PRPF6: variants seen among roughly 807,000 people sequenced by gnomAD.
PRPF6 encodes pre-mRNA-processing factor 6.
In PRPF6, 42 loss-of-function variants were observed where a neutral mutation model predicts 118.3. The ratio of observed to expected loss-of-function variants is 0.35; its 90% CI spans 0.28 to 0.46. The LOEUF is 0.46. Among genes scored for constraint, PRPF6 ranks in the 20% least tolerant of loss-of-function variants. The pLI, the probability that PRPF6 is intolerant of heterozygous loss-of-function variation, is 1.00. For synonymous variants in PRPF6, 481 were observed against 485.1 expected, an observed-to-expected ratio of 0.99 and a Z score of 0.11; for missense variants, 662 against 1,255.7, an observed-to-expected ratio of 0.53 and a Z score of 7.15.
chr20:64,008,389 G>C (rs1465678164), intron 9 of PRPF6, among the ~76,000 whole-genome samples: 1 of 151,974 alleles, frequency 6.6e-6, no homozygotes, highest in East Asian at 1.9e-4. Flanking sequence ...TTGGAAGGTA[G>C]ATTTGGAGAC....
At chr20:64,022,631 A>G in intron 12 of PRPF6, 126 bp from the exon 13 acceptor site, 1 of 1,451,888 alleles carries the variant, frequency 6.9e-7, no homozygotes. Context: ...TAATTAGATA[A>G]AACACTGTGG....
Position 63,983,062 on chromosome 20 carries a change from C to T in PRPF6, c.87C>T (p.Thr29=), listed in dbSNP as rs538604472. The change falls in exon 2 of 21, where the codon ACC becomes ACT. Residue 29 remains threonine (T), a synonymous_variant. Coordinates refer to ENST00000266079, the MANE Select transcript of PRPF6 (RefSeq NM_012469.4). ...TCTCCTGCAGCGCCACTGGCTTCAC[C>T]ACGCGGTCAGACATTGGGCCCGCCC... ...PGLGRGATGF[T]TRSDIGPARD... is the part of the protein sequence containing the mutation. 2.5e-6 allele frequency: 4 copies of T among 1,614,146 alleles called. No individual in the cohort carries two copies. The African/African-American group carries it at 5.3e-5, about 22-fold the overall frequency.
At chr20:63,992,549 G>A (rs548056610) in intron 3 of PRPF6, among the ~76,000 whole-genome samples, 1 of 152,236 alleles carries the variant, frequency 6.6e-6, no homozygotes, top group Admixed American at 6.5e-5. Flanking sequence ...AAGCCACCAC[G>A]CCTGGCCTTC....
At chr20:64,016,975 C>T (rs562432555) in intron 12 of PRPF6, 130 bp downstream of exon 12, 34 of 1,302,470 alleles carry the variant, frequency 2.6e-5, no homozygotes, top group Non-Finnish European at 3.5e-5. Context: ...CGGGGTCTTG[C>T]TCTGTCGCCC....
intron 3 of PRPF6, among the ~76,000 whole-genome samples, chr20:63,985,858 A>G (rs2059090825): frequency 6.6e-6 from 1 of 152,188 alleles, no homozygotes; most frequent in South Asian, 2.1e-4. Flanking sequence ...TTCTACTCAG[A>G]CTATTCTGAA....
chr20:63,983,185 C>T lies in PRPF6; in HGVS notation c.210C>T (p.Asp70=), dbSNP rs760213143. The T allele has an allele frequency of 5.8e-5, 94 of 1,614,078 alleles. No homozygotes were observed. The highest frequency in any genetic ancestry group is 7.2e-5 in the Non-Finnish European group (85 of 1,180,044). Reference sequence around the variant, plus strand: ...AAAATCAGGCTGCTGACGATGACGACGAGGATCTAAATGACACCAATTACG... The same window carrying T: ...AAAATCAGGCTGCTGACGATGACGATGAGGATCTAAATGACACCAATTACG... ...MKKNQAADDD[D]EDLNDTNYDE... is the part of the protein sequence containing the mutation. The change falls in exon 2 of 21, where the codon GAC becomes GAT. Residue 70 remains aspartate (D), a synonymous_variant. Coordinates refer to ENST00000266079, the MANE Select transcript of PRPF6 (RefSeq NM_012469.4).
intron 4 of PRPF6, 80 bp from the exon 5 acceptor site, chr20:63,994,836 G>T: frequency 6.4e-7 from 1 of 1,570,208 alleles, no homozygotes; most frequent in Non-Finnish European, 8.7e-7. Context: ...GGAGGCTAGG[G>T]GTGAGAGAGG....
rs1188918249 is a variant in PRPF6 at position 64,027,553 on chromosome 20, C to T, written c.2206-50C>T. 3 of 1,613,452 alleles carry T rather than the reference C, an allele frequency of 1.9e-6. No individual in the cohort carries two copies. Among genetic ancestry groups the T allele is most frequent in the South Asian group, 2.2e-5 (2 of 91,046 alleles). On this transcript the variant is annotated intron_variant, in intron 16 of 20. Transcript: ENST00000266079. The surrounding 1 kb of genome is among the most constrained non-coding windows in gnomAD (Gnocchi z 6.5). Reference sequence around the variant, plus strand: ...TGAGAAGCTGGGCATGGCTGTGTCCCAGTTCTTCATAGACACCACCTGAGC... The same window carrying T: ...TGAGAAGCTGGGCATGGCTGTGTCCTAGTTCTTCATAGACACCACCTGAGC...
chr20:63,992,145 A>G (rs752815838), intron 3 of PRPF6, among the ~76,000 whole-genome samples: 1 of 152,276 alleles, frequency 6.6e-6, no homozygotes, highest in South Asian at 2.1e-4. Context: ...TCTGTCGCCC[A>G]GGCTAGATTG....
chr20:64,014,246 GT>G (rs2059227825), intron 11 of PRPF6, among the ~76,000 whole-genome samples: 1 of 151,894 alleles, frequency 6.6e-6, no homozygotes, highest in Non-Finnish European at 1.5e-5. Context: ...GTCTAACCTT[GT>G]TTTTTTACTT....
chr20:64,014,760 C>T (rs535359939), intron 11 of PRPF6, among the ~76,000 whole-genome samples: 28 of 152,352 alleles, frequency 1.8e-4, no homozygotes, highest in African/African-American at 6.5e-4. Context: ...ATGCTCAGAA[C>T]ACCTACCTTA....
intron 6 of PRPF6, among the ~76,000 whole-genome samples, chr20:63,997,309 GAGAC>G (rs1459559378): frequency 2.9e-5 from 1 of 34,670 alleles, no homozygotes; most frequent in Non-Finnish European, 5.4e-5. Flanking sequence ...TTTTTTTTTT[GAGAC>G]AGAGTCTCTC....
chr20:64,024,472 G>A, intron 13 of PRPF6, 83 bp from the exon 14 acceptor site: 2 of 1,556,512 alleles, frequency 1.3e-6, no homozygotes, highest in Admixed American at 3.3e-5. Context: ...CTGTCTTTCT[G>A]GCGTGCCCAC....
At chr20:63,991,569 A>G (rs2059118978) in intron 3 of PRPF6, among the ~76,000 whole-genome samples, 1 of 152,044 alleles carries the variant, frequency 6.6e-6, no homozygotes, top group African/African-American at 2.4e-5. Flanking sequence ...AGGCGGGCAG[A>G]TCATGAGGTC....
At chr20:63,992,822 C>T (rs1256890814) in intron 3 of PRPF6, among the ~76,000 whole-genome samples, 1 of 152,000 alleles carries the variant, frequency 6.6e-6, no homozygotes, top group African/African-American at 2.4e-5. Flanking sequence ...CACCCTCTGC[C>T]TCCTGGGTTC....
intron 12 of PRPF6, among the ~76,000 whole-genome samples, chr20:64,022,527 C>T (rs1026999354): frequency 5.9e-5 from 9 of 152,300 alleles, no homozygotes; most frequent in East Asian, 1.9e-4. Context: ...AGGCTGGTCT[C>T]GAACTCCTGA....
At chr20:64,018,324 G>C (rs960903555) in intron 12 of PRPF6, among the ~76,000 whole-genome samples, 69 of 152,150 alleles carry the variant, frequency 4.5e-4, no homozygotes, top group African/African-American at 1.6e-3. Context: ...TGTTGTTCCT[G>C]AGTGTGAATT....
In PRPF6 at chr20:64,030,296, G is replaced by A. The variant is rs114845278; in HGVS notation, c.2546+805G>A. 5.6e-3 allele frequency among the ~76,000 whole-genome samples: 852 copies of A among 152,298 alleles called. 8 individuals are homozygous for A. Among genetic ancestry groups the A allele is most frequent in the African/African-American group, 0.019 (784 of 41,562 alleles). Reference sequence around the variant, plus strand: ...GGTTCCTGAGGCTGCAGCTCAGGACGTGGGCTCACCTGGCAGAGGTGGCGT... The same window carrying A: ...GGTTCCTGAGGCTGCAGCTCAGGACATGGGCTCACCTGGCAGAGGTGGCGT... On this transcript the variant is annotated intron_variant, in intron 19 of 20. Coordinates refer to ENST00000266079, the MANE Select transcript of PRPF6 (RefSeq NM_012469.4).
At chr20:63,985,175 G>A (rs1226077239) in intron 3 of PRPF6, 150 bp downstream of exon 3, 2 of 619,046 alleles carry the variant, frequency 3.2e-6, no homozygotes, top group Non-Finnish European at 5.8e-6. Flanking sequence ...ACCAGTGTGG[G>A]CAACGTAGGG....
Sources: allele counts gnomAD v4.1 joint callset (sites outside exome capture counted in the v4.1 genomes callset), GRCh38; gene constraint gnomAD v4.1.1; non-coding constraint Gnocchi (gnomAD v3.1); transcripts MANE v1.5; gene names NCBI Gene and HGNC (gene_info 2026-07-23, HGNC 2026-07-21).